RERE: variants seen among roughly 807,000 people sequenced by gnomAD.
RERE encodes arginine-glutamic acid dipeptide repeats.
A neutral mutation model predicts 146.1 loss-of-function variants in RERE; 40 were observed. That is an observed-to-expected ratio of 0.27 (90% CI 0.21 to 0.36). The LOEUF is 0.36. RERE is among the 10% of genes least tolerant of loss of function. RERE has a pLI of 1.00. For synonymous variants in RERE, 1,003 were observed against 866.0 expected (o/e 1.16, Z -2.78); for missense variants, 1,933 against 2,138.7 (o/e 0.90, Z 1.90).
At chr1:8,494,920 C>G in intron 10 of RERE, 143 bp downstream of exon 10, 1 of 644,150 alleles carries the variant, frequency 1.6e-6, no homozygotes, top group South Asian at 1.7e-5. Flanking sequence ...GCCTGGAGCC[C>G]CCATGGCACC....
intron 12 of RERE, among the ~76,000 whole-genome samples, chr1:8,407,605 C>A (rs531609166): frequency 3.3e-5 from 5 of 152,162 alleles, no homozygotes; most frequent in Admixed American, 3.3e-4. Context: ...CTGGACAAGA[C>A]CTGTGAGGGT....
At chr1:8,522,958 C>T (rs933509366) in intron 7 of RERE, among the ~76,000 whole-genome samples, 3 of 151,976 alleles carry the variant, frequency 2.0e-5, no homozygotes, top group Admixed American at 1.3e-4. Context: ...GCATGGATTG[C>T]TTGAGGCCAG....
chr1:8,461,368 AT>A (rs1644524566), intron 11 of RERE, among the ~76,000 whole-genome samples: 1 of 152,168 alleles, frequency 6.6e-6, no homozygotes, highest in South Asian at 2.1e-4. Context: ...GAAGGCAGCC[AT>A]TTACTTTGGC....
intron 4 of RERE, among the ~76,000 whole-genome samples, chr1:8,605,514 T>C (rs930396615): frequency 7.2e-5 from 11 of 151,958 alleles, no homozygotes; most frequent in African/African-American, 2.4e-4. Context: ...ATTGGGAGGC[T>C]GAGGCGGGTG....
chr1:8,358,479 G>A lies in RERE; in HGVS notation c.4056C>T (p.Ala1352=), dbSNP rs1326474180. 1.6e-5 allele frequency: 25 copies of A among 1,584,870 alleles called. No homozygotes were observed. Among genetic ancestry groups the A allele is most frequent in the Non-Finnish European group, 2.1e-5 (25 of 1,163,844 alleles). The change falls in exon 20 of 23, where the codon GCC becomes GCT. Residue 1352 remains alanine (A), a synonymous_variant. Transcript: ENST00000400908. ...NPMEHFARHS[A]LTIPPTAGPH... ...GCCCGGCGGTCGGGGGGATGGTGAG[G>A]GCGCTGTGCCGGGCAAAGTGCTCCA... is the stretch of plus-strand genomic sequence containing the variant.
intron 1 of RERE, among the ~76,000 whole-genome samples, chr1:8,802,782 C>T (rs989622101): frequency 6.6e-6 from 1 of 152,012 alleles, no homozygotes; most frequent in African/African-American, 2.4e-5. Flanking sequence ...TTGTATTTCA[C>T]TAAAGCATAT....
intron 10 of RERE, among the ~76,000 whole-genome samples, chr1:8,481,257 C>G (rs1328484573): frequency 6.6e-6 from 1 of 152,164 alleles, no homozygotes; most frequent in East Asian, 1.9e-4. Flanking sequence ...GCTGAGACTA[C>G]AGGAGCATAC....
intron 12 of RERE, among the ~76,000 whole-genome samples, chr1:8,379,609 T>C (rs1158082640): frequency 6.6e-6 from 1 of 152,166 alleles, no homozygotes; most frequent in Non-Finnish European, 1.5e-5. Flanking sequence ...AAAGGTTCTT[T>C]ACAGAGGGCG....
chr1:8,815,294 A>G (rs1209262124), intron 1 of RERE, among the ~76,000 whole-genome samples: 1 of 152,180 alleles, frequency 6.6e-6, no homozygotes, highest in Non-Finnish European at 1.5e-5. Flanking sequence ...CACACCACTA[A>G]AAACATGCAA....
intron 7 of RERE, among the ~76,000 whole-genome samples, chr1:8,530,360 T>G (rs975140269): frequency 1.3e-5 from 2 of 152,348 alleles, no homozygotes; most frequent in Non-Finnish European, 2.9e-5. Flanking sequence ...AGTGAGTAGA[T>G]TATGTACCTC....
At chr1:8,539,527 T>C (rs1372649606) in intron 7 of RERE, among the ~76,000 whole-genome samples, 1 of 152,148 alleles carries the variant, frequency 6.6e-6, no homozygotes, top group Non-Finnish European at 1.5e-5. Flanking sequence ...TGCCTCAGCC[T>C]CCAGAGAAGC....
At chr1:8,690,859 A>G (rs543956603) in intron 1 of RERE, among the ~76,000 whole-genome samples, 1 of 152,254 alleles carries the variant, frequency 6.6e-6, no homozygotes, top group South Asian at 2.1e-4. Flanking sequence ...ACCTTTTGTT[A>G]GATGTGGCCA....
intron 4 of RERE, among the ~76,000 whole-genome samples, chr1:8,588,616 T>C (rs1325012307): frequency 2.0e-5 from 3 of 152,134 alleles, no homozygotes; most frequent in Admixed American, 2.0e-4. Flanking sequence ...GTCAGTAACT[T>C]GAAATAATGG....
At chr1:8,621,018 G>A (rs960754661) in intron 3 of RERE, among the ~76,000 whole-genome samples, 5 of 151,954 alleles carry the variant, frequency 3.3e-5, no homozygotes, top group South Asian at 2.1e-4. Flanking sequence ...GTGTGGGCTC[G>A]AAATACACCT....
intron 1 of RERE, among the ~76,000 whole-genome samples, chr1:8,776,790 C>T (rs1318703382): frequency 6.6e-6 from 1 of 152,110 alleles, no homozygotes; most frequent in African/African-American, 2.4e-5. Context: ...ACCATCACGG[C>T]TCACTGCAGC....
intron 1 of RERE, among the ~76,000 whole-genome samples, chr1:8,687,808 G>T (rs1036093386): frequency 8.5e-5 from 13 of 152,050 alleles, no homozygotes; most frequent in African/African-American, 3.1e-4. Flanking sequence ...ACAAAAGCAG[G>T]GTTTTAATGC....
intron 1 of RERE, among the ~76,000 whole-genome samples, chr1:8,699,013 T>C (rs1266009672): frequency 6.6e-6 from 1 of 152,218 alleles, no homozygotes; most frequent in African/African-American, 2.4e-5. Flanking sequence ...TCAGAAATTA[T>C]GTTTGTAAGT....
At chr1:8,697,550 A>G (rs1393169301) in intron 1 of RERE, among the ~76,000 whole-genome samples, 1 of 151,488 alleles carries the variant, frequency 6.6e-6, no homozygotes, top group Non-Finnish European at 1.5e-5. Context: ...CCGCCAACAC[A>G]CCCGGCTAAT....
At chr1:8,421,034 G>A (rs902975400) in intron 12 of RERE, among the ~76,000 whole-genome samples, 7 of 152,164 alleles carry the variant, frequency 4.6e-5, no homozygotes, top group African/African-American at 1.2e-4. Context: ...TAAAATTACC[G>A]AGCATTTCCA....
Sources: allele counts gnomAD v4.1 joint callset (sites outside exome capture counted in the v4.1 genomes callset), GRCh38; gene constraint gnomAD v4.1.1; transcripts MANE v1.5; gene names NCBI Gene and HGNC (gene_info 2026-07-23, HGNC 2026-07-21).